The following ANK3 variants were observed in gnomAD, a reference collection of about 807,000 sequenced individuals.
The protein encoded by ANK3 is ankyrin-3.
A neutral mutation model predicts 370.9 loss-of-function variants in ANK3; 57 were observed. That is an observed-to-expected ratio of 0.15 (90% CI 0.12 to 0.19). ANK3 has a LOEUF of 0.19. ANK3 is among the 10% of genes least tolerant of loss of function. The pLI, the probability that ANK3 is intolerant of heterozygous loss-of-function variation, is 1.00. For synonymous variants in ANK3, 1,929 were observed against 1,946.3 expected (o/e 0.99, Z 0.23); for missense variants, 4,439 against 5,302.1 (o/e 0.84, Z 5.06).
chr10:60,518,508 C>T (rs1223374365), intron 2 of ANK3, among the ~76,000 whole-genome samples: 1 of 152,102 alleles, frequency 6.6e-6, no homozygotes, highest in African/African-American at 2.4e-5. Flanking sequence ...GGCTCTACCT[C>T]AGAACTCCTG....
intron 42 of ANK3, among the ~76,000 whole-genome samples, chr10:60,055,409 T>C (rs1321309421): frequency 6.6e-6 from 1 of 152,204 alleles, no homozygotes; most frequent in African/African-American, 2.4e-5. Context: ...AACAGATACT[T>C]ATTCCCTTTT....
intron 7 of ANK3, among the ~76,000 whole-genome samples, chr10:60,240,227 C>T (rs1284110019): frequency 7.1e-6 from 1 of 141,364 alleles, no homozygotes; most frequent in Admixed American, 7.2e-5. Flanking sequence ...TATATATATA[C>T]ACACATATAT....
At chr10:60,096,718 C>T (rs2090199772) in intron 28 of ANK3, among the ~76,000 whole-genome samples, 1 of 151,580 alleles carries the variant, frequency 6.6e-6, no homozygotes, top group African/African-American at 2.4e-5. Flanking sequence ...ACAACAGGAC[C>T]CTATAAAAAA....
At chr10:60,616,019 G>A (rs1293944990) in intron 1 of ANK3, among the ~76,000 whole-genome samples, 2 of 152,086 alleles carry the variant, frequency 1.3e-5, no homozygotes, top group Non-Finnish European at 2.9e-5. Flanking sequence ...ATTCTACTTT[G>A]AAGTTAACTC....
chr10:60,593,498 C>A (rs956135480), intron 2 of ANK3, among the ~76,000 whole-genome samples: 2 of 152,132 alleles, frequency 1.3e-5, no homozygotes, highest in African/African-American at 4.8e-5. Flanking sequence ...GCCTCCAAAT[C>A]TTTTTCATGT....
At chr10:60,042,803 G>GT (rs548779105) in intron 42 of ANK3, 44 bp from the exon 43 acceptor site, 1 of 1,605,232 alleles carries the variant, frequency 6.2e-7, no homozygotes, top group African/African-American at 1.4e-5. Flanking sequence ...GTGAAACAGT[G>GT]TTAGTTATAA....
intron 42 of ANK3, among the ~76,000 whole-genome samples, chr10:60,054,339 C>T (rs1272922378): frequency 6.6e-6 from 1 of 152,168 alleles, no homozygotes; most frequent in Non-Finnish European, 1.5e-5. Flanking sequence ...CAAAACCACA[C>T]TTGTCAGGAC....
intron 7 of ANK3, among the ~76,000 whole-genome samples, chr10:60,235,484 G>A (rs942604929): frequency 1.5e-4 from 23 of 150,724 alleles, no homozygotes; most frequent in African/African-American, 9.8e-5. Context: ...TCTTACAGGC[G>A]CTATGATTAT....
chr10:60,218,251 TC>T (rs1039561046), intron 8 of ANK3, among the ~76,000 whole-genome samples: 5 of 152,182 alleles, frequency 3.3e-5, no homozygotes, highest in Admixed American at 3.3e-4. Flanking sequence ...CCAGTCTATG[TC>T]TTTTAACTGT....
At chr10:60,352,551 A>C (rs1181895549) in intron 1 of ANK3, among the ~76,000 whole-genome samples, 1 of 152,180 alleles carries the variant, frequency 6.6e-6, no homozygotes, top group Non-Finnish European at 1.5e-5. Flanking sequence ...AGATCCAAGG[A>C]AACTATGGTG....
intron 11 of ANK3, among the ~76,000 whole-genome samples, chr10:60,204,932 C>T (rs557854012): frequency 6.6e-6 from 1 of 152,014 alleles, no homozygotes; most frequent in African/African-American, 2.4e-5. Flanking sequence ...TTTGCCTGGC[C>T]AAGGGGGTGT....
chr10:60,243,538 T>A (rs1565941896), intron 7 of ANK3, among the ~76,000 whole-genome samples: 1 of 152,136 alleles, frequency 6.6e-6, no homozygotes, highest in Non-Finnish European at 1.5e-5. Flanking sequence ...CTATAAGAAA[T>A]TTTTTTCTTT....
chr10:60,149,190 G>A (rs2094971018), intron 23 of ANK3, among the ~76,000 whole-genome samples: 1 of 152,206 alleles, frequency 6.6e-6, no homozygotes, highest in Non-Finnish European at 1.5e-5. Flanking sequence ...CCTGTCCTCA[G>A]TTCTCATTCT....
At chr10:60,388,494 C>T (rs2062732706) in intron 1 of ANK3, among the ~76,000 whole-genome samples, 2 of 152,154 alleles carry the variant, frequency 1.3e-5, no homozygotes, top group African/African-American at 2.4e-5. Flanking sequence ...TATGACCTGC[C>T]TTTCCTATTC....
chr10:60,204,232 G>C (rs1222341641), intron 11 of ANK3, among the ~76,000 whole-genome samples: 1 of 152,124 alleles, frequency 6.6e-6, no homozygotes, highest in Non-Finnish European at 1.5e-5. Flanking sequence ...CCATCAGCAG[G>C]GGGAGTAGTT....
intron 2 of ANK3, among the ~76,000 whole-genome samples, chr10:60,478,180 C>T (rs1661189262): frequency 1.3e-5 from 2 of 152,042 alleles, no homozygotes; most frequent in South Asian, 4.1e-4. Flanking sequence ...AAGCAGTCAA[C>T]AATTAACATT....
In ANK3 at chr10:60,084,747, T is replaced by A; in HGVS notation, c.3929A>T (p.Tyr1310Phe). 1 of 1,613,336 alleles carries A rather than the reference T, an allele frequency of 6.2e-7. No homozygotes were observed. Residue 1310 changes from tyrosine to phenylalanine, a missense_variant, in exon 32 of 44, where the codon TAT becomes TTT. Tyr to Phe is a conservative substitution (Grantham distance 22, BLOSUM62 3). Around this residue, in one of 13 missense-constraint regions of ANK3, gnomAD observed 702 missense variants for 941.5 expected, o/e 0.75. Transcript: ENST00000280772. ...QLYRELICVP[Y>F]MAKFVVFAKM... ...GGCAAAAACAACAAACTTGGCCATATATGGAACACATATCAATTCTCTGTA... is the reference window on the plus strand; with the variant it reads ...GGCAAAAACAACAAACTTGGCCATAAATGGAACACATATCAATTCTCTGTA...
At chr10:60,261,255 G>A (rs893013306) in intron 7 of ANK3, among the ~76,000 whole-genome samples, 1 of 152,172 alleles carries the variant, frequency 6.6e-6, no homozygotes, top group African/African-American at 2.4e-5. Flanking sequence ...CTGAACACCA[G>A]TTTTTAAATT....
intron 23 of ANK3, among the ~76,000 whole-genome samples, chr10:60,160,235 G>A (rs529823341): frequency 6.6e-6 from 1 of 152,022 alleles, no homozygotes; most frequent in African/African-American, 2.4e-5. Flanking sequence ...AACTGATAGT[G>A]CAAAAATTCA....
Sources: allele counts gnomAD v4.1 joint callset (sites outside exome capture counted in the v4.1 genomes callset), GRCh38; gene constraint gnomAD v4.1.1; regional missense constraint gnomAD v4.1.1; transcripts MANE v1.5; gene names NCBI Gene and HGNC (gene_info 2026-07-23, HGNC 2026-07-21).